The following ESRRB variants were observed in gnomAD, a reference collection of about 807,000 sequenced individuals.
ESRRB encodes the protein estrogen related receptor beta.
A neutral mutation model predicts 46.0 loss-of-function variants in ESRRB; 16 were observed. The ratio of observed to expected loss-of-function variants is 0.35; its 90% confidence interval spans 0.24 to 0.53. The LOEUF is 0.53. Ranked by LOEUF, ESRRB falls within the 20% of genes least tolerant of loss-of-function variation. The pLI is 0.93. For missense variants in ESRRB, 488 were observed against 607.4 expected, an observed-to-expected ratio of 0.80 and a Z score of 2.07; for synonymous variants, 246 against 259.6, an observed-to-expected ratio of 0.95 and a Z score of 0.50.
intron 1 of ESRRB, among the ~76,000 whole-genome samples, chr14:76,332,865 T>C (rs1431345364): frequency 3.6e-5 from 1 of 28,142 alleles, no homozygotes; most frequent in Non-Finnish European, 6.3e-5. Flanking sequence ...TATTTATATA[T>C]AATATATTTT....
At chr14:76,490,897 C>G (rs555141675) in intron 5 of ESRRB, among the ~76,000 whole-genome samples, 35 of 152,332 alleles carry the variant, frequency 2.3e-4, no homozygotes, top group African/African-American at 8.2e-4. Context: ...GCTATGGTCA[C>G]TGGGGCCTTC....
intron 1 of ESRRB, among the ~76,000 whole-genome samples, chr14:76,326,514 G>A (rs917088024): frequency 6.6e-6 from 1 of 152,230 alleles, no homozygotes; most frequent in African/African-American, 2.4e-5. Context: ...GACTAAAGTA[G>A]ATGAGCCATA....
In ESRRB at chr14:76,439,581, C is replaced by T. The variant is rs1473350541; in HGVS notation, c.291C>T (p.Tyr97=). 3.1e-6 allele frequency: 5 copies of T among 1,614,180 alleles called. No individual in the cohort carries two copies. The highest frequency in any genetic ancestry group is 4.2e-6 in the Non-Finnish European group (5 of 1,180,016). The change falls in exon 2 of 7, where the codon TAC becomes TAT. Residue 97 remains tyrosine (Y), a synonymous_variant. Transcript: ENST00000644823. ...GAGGCACCCCATGCCGCAAGAGCTA[C>T]GAGGACTGTGCCAGCGGCATCATGG... ...GLGGTPCRKS[Y]EDCASGIMED... is the part of the protein sequence containing the mutation.
intron 3 of ESRRB, among the ~76,000 whole-genome samples, chr14:76,470,525 G>C (rs1221755509): frequency 1.3e-5 from 2 of 152,156 alleles, no homozygotes; most frequent in African/African-American, 4.8e-5. Flanking sequence ...GCACACATCT[G>C]TTCTTCCCAC....
intron 5 of ESRRB, among the ~76,000 whole-genome samples, chr14:76,487,975 T>C (rs1044353089): frequency 6.6e-6 from 1 of 152,194 alleles, no homozygotes; most frequent in African/African-American, 2.4e-5. Context: ...TTTAATTTAA[T>C]TATATTTATG....
At chr14:76,371,795 T>C (rs566078550), upstream of ESRRB, among the ~76,000 whole-genome samples, 8 of 152,292 alleles carry the variant, frequency 5.3e-5, no homozygotes, top group South Asian at 1.7e-3. Context: ...CGTCAAGTCC[T>C]CTACTCTCCT....
At chr14:76,402,698 T>C (rs951346472) in intron 1 of ESRRB, among the ~76,000 whole-genome samples, 3 of 152,144 alleles carry the variant, frequency 2.0e-5, no homozygotes, top group African/African-American at 7.2e-5. Context: ...ATTCTTTCTT[T>C]CTTTTCTTTT....
intron 1 of ESRRB, among the ~76,000 whole-genome samples, chr14:76,345,292 T>C (rs1884236651): frequency 6.6e-6 from 1 of 152,160 alleles, no homozygotes; most frequent in South Asian, 2.1e-4. Context: ...AATCTATTCA[T>C]CTGACAAAGG....
Position 76,499,773 on chromosome 14 carries a change from G to GGCCTGGGCTTCTGGGCT in ESRRB, c.*1316_*1317insCCTGGGCTTCTGGGCTG. ...GGAAACTCCTCTACCCCAGGCACACGGGGACAGTGGGTCACTCTATTTCTG... is the reference window on the plus strand; with the variant it reads ...GGAAACTCCTCTACCCCAGGCACACGGCCTGGGCTTCTGGGCTGGGACAGTGGGTCACTCTATTTCTG... On this transcript the variant is annotated 3_prime_UTR_variant, in exon 7 of 7. Transcript: ENST00000644823. 1 of 1,115,314 alleles carries GGCCTGGGCTTCTGGGCT rather than the reference G, an allele frequency of 9.0e-7. No individual in the cohort carries two copies. The highest frequency in any genetic ancestry group is 1.4e-6 in the Non-Finnish European group (1 of 726,418). 69.1% of individuals were successfully genotyped at this position (1,115,314 alleles called of 1,614,324 possible). A position where few individuals can be genotyped will look rare whatever the true frequency, so the allele number is the denominator to read the frequency against.
chr14:76,316,226 TGA>T (rs1883798039), intron 1 of ESRRB, among the ~76,000 whole-genome samples: 1 of 152,244 alleles, frequency 6.6e-6, no homozygotes, highest in Admixed American at 6.5e-5. Context: ...TCTGCAGTCC[TGA>T]GACCCTCAGT....
At position 76,358,935 on chromosome 14, in the gene ESRRB, C is replaced by T. The variant is rs1033545524; in HGVS notation, c.2+48019C>T. On this transcript the variant is annotated intron_variant, in intron 1 of 6. Transcript: ENST00000512784. Reference sequence around the variant, plus strand: ...AAAACACAGATTGCTGGTCCCCACCCGGCAAGTCTGTGGTGGGACCCGAGA... The same window carrying T: ...AAAACACAGATTGCTGGTCCCCACCTGGCAAGTCTGTGGTGGGACCCGAGA... Among the ~76,000 whole-genome samples, 9 of 152,190 alleles carry T rather than the reference C, an allele frequency of 5.9e-5. No individual in the cohort carries two copies. The East Asian group carries it at 7.7e-4, about 13-fold the overall frequency.
intron 3 of ESRRB, among the ~76,000 whole-genome samples, chr14:76,473,610 G>T (rs190132660): frequency 5.4e-4 from 83 of 152,372 alleles, no homozygotes; most frequent in Middle Eastern, 3.4e-3. Context: ...TGGCCCCGCT[G>T]CGGCTGACCC....
chr14:76,484,168 T>C (rs7150423), intron 5 of ESRRB, among the ~76,000 whole-genome samples: 64,598 of 151,996 alleles, frequency 0.42, 14,093 homozygotes, highest in East Asian at 0.71. Flanking sequence ...AGGCCCACAG[T>C]TGATTGAGAG....
At chr14:76,395,027 G>A (rs1483455938) in intron 1 of ESRRB, among the ~76,000 whole-genome samples, 1 of 152,172 alleles carries the variant, frequency 6.6e-6, no homozygotes, top group Non-Finnish European at 1.5e-5. Context: ...CCCTATGTGG[G>A]CCCACTTCTC....
At chr14:76,332,758 TA>T (rs375651538) in intron 1 of ESRRB, among the ~76,000 whole-genome samples, 1,627 of 15,612 alleles carry the variant, frequency 0.1, 116 homozygotes, top group Middle Eastern at 0.38. Context: ...ATATTATATA[TA>T]AATATATAAT....
In ESRRB at chr14:76,425,590, G is replaced by C. The variant is rs539061501; in HGVS notation, c.51-13751G>C. Among the ~76,000 whole-genome samples the C allele has an allele frequency of 2.0e-5, 3 of 151,810 alleles. No individual in the cohort carries two copies. In the South Asian group the frequency reaches 6.3e-4, roughly 32 times the overall value. ...GTCCCTCCAACATAGAGCTTTCCCT[G>C]TGCGGCCCCTCCCTCTTTTCTTCAG... On this transcript the variant is annotated intron_variant, in intron 1 of 6. Coordinates refer to ENST00000644823, the MANE Select transcript of ESRRB (RefSeq NM_001379180.1).
chr14:76,461,889 T>G (rs1455874631), intron 2 of ESRRB, among the ~76,000 whole-genome samples: 1 of 152,218 alleles, frequency 6.6e-6, no homozygotes, highest in Non-Finnish European at 1.5e-5. Context: ...TGAACTCTGC[T>G]CATAAAATGA....
intron 1 of ESRRB, among the ~76,000 whole-genome samples, chr14:76,393,967 A>ATTTTTTTTTTTTT (rs71122531): frequency 2.0e-4 from 25 of 126,986 alleles, no homozygotes; most frequent in African/African-American, 3.3e-4. Context: ...TGCCTGGCTA[A>ATTTTTTTTTTTTT]TTTTTTTTTT....
At chr14:76,375,596 A>C (rs12589755), upstream of ESRRB, among the ~76,000 whole-genome samples, 29,914 of 152,114 alleles carry the variant, frequency 0.2, 2,958 homozygotes, top group Middle Eastern at 0.24. Context: ...GGCCCAGGTG[A>C]TGAGAACTGG....
Sources: allele counts gnomAD v4.1 joint callset (sites outside exome capture counted in the v4.1 genomes callset), GRCh38; gene constraint gnomAD v4.1.1; transcripts MANE v1.5; gene names NCBI Gene and HGNC (gene_info 2026-07-23, HGNC 2026-07-21).